Variants in TLE2 observed in about 807,000 individuals in gnomAD.
TLE2 encodes the protein TLE family member 2, transcriptional corepressor, also known as transducin-like enhancer protein 2.
A neutral mutation model predicts 97.2 loss-of-function variants in TLE2; 74 were observed. That is an observed-to-expected ratio of 0.76 (90% CI 0.63 to 0.92). The LOEUF is 0.92. Ranked by LOEUF, TLE2 falls within the 40% of genes least tolerant of loss-of-function variation. TLE2 has a pLI of 0.00. For missense variants in TLE2, 1,038 were observed against 1,008.7 expected, an observed-to-expected ratio of 1.03 and a Z score of -0.39; for synonymous variants, 499 against 432.1, an observed-to-expected ratio of 1.15 and a Z score of -1.92.
Position 3,044,690 on chromosome 19 carries a change from G to A in TLE2, c.63+1036C>T, listed in dbSNP as rs549374764. Among the ~76,000 whole-genome samples, 83 of 152,300 alleles carry A rather than the reference G, an allele frequency of 5.4e-4. 2 individuals are homozygous for A. The highest frequency in any genetic ancestry group is 1.9e-3 in the African/African-American group (79 of 41,580). ...CTGCCTCGGCCTCCCGAAGCGCTGG[G>A]ATTACAGGCGTGAGCCACTGTGCCT... On this transcript the variant is annotated intron_variant, in intron 1 of 18. Coordinates refer to the TLE2 transcript ENST00000426948.
intron 1 of TLE2, among the ~76,000 whole-genome samples, chr19:3,044,509 T>G (rs2090127917): frequency 6.6e-6 from 1 of 152,196 alleles, no homozygotes; most frequent in Admixed American, 6.5e-5. Flanking sequence ...ACCCTCCACC[T>G]CCCGGGTTCA....
chr19:3,028,247 T>C, intron 3 of TLE2, 72 bp downstream of exon 3: 3 of 1,484,452 alleles, frequency 2.0e-6, no homozygotes, highest in Non-Finnish European at 2.8e-6. Context: ...GGCAGGGACC[T>C]ACCCCAGAGT....
At chr19:3,047,372 G>GC (rs370437434), upstream of TLE2, among the ~76,000 whole-genome samples, 3,257 of 80,016 alleles carry the variant, frequency 0.041, 95 homozygotes, top group East Asian at 0.16. Context: ...CCTGCCACCC[G>GC]CCCCCCAGCG....
At chr19:3,017,978 CAG>C (rs147508094) in intron 7 of TLE2, 119 bp from the exon 8 acceptor site, 61,744 of 830,410 alleles carry the variant, frequency 0.074, 2,909 homozygotes, top group Middle Eastern at 0.16. Context: ...CCACCCCACT[CAG>C]AGTCTCTCTA....
chr19:3,017,934 A>G, intron 7 of TLE2, 75 bp from the exon 8 acceptor site: 2 of 1,443,052 alleles, frequency 1.4e-6, no homozygotes, highest in Non-Finnish European at 1.9e-6. Flanking sequence ...GCCAGAGGGT[A>G]CAGCCCTCCA....
intron 8 of TLE2, among the ~76,000 whole-genome samples, chr19:3,017,172 C>T (rs766403247): frequency 2.0e-5 from 3 of 151,984 alleles, no homozygotes; most frequent in African/African-American, 4.8e-5. Flanking sequence ...GAGTCTCATA[C>T]TGTCGCACAG....
Position 3,019,188 on chromosome 19 carries a change from T to A in TLE2, c.550+95A>T. 6.8e-7 allele frequency: 1 copy of A among 1,479,926 alleles called. No homozygotes were observed. The highest frequency in any genetic ancestry group is 1.3e-5 in the South Asian group (1 of 78,750). 91.7% of individuals were successfully genotyped at this position (1,479,926 alleles called of 1,614,324 possible). On this transcript the variant is annotated intron_variant, in intron 7 of 19. Transcript: ENST00000262953. The surrounding 1 kb of genome is among the most constrained non-coding windows in gnomAD (Gnocchi z 5.1). Reference sequence around the variant, plus strand: ...GTTGGGATTATAGGCATGAGCCACTTCATCCCCTCACGCTGATGTTTGCTA... The same window carrying A: ...GTTGGGATTATAGGCATGAGCCACTACATCCCCTCACGCTGATGTTTGCTA...
At chr19:3,043,017 A>G (rs889294301) in intron 1 of TLE2, among the ~76,000 whole-genome samples, 2 of 152,144 alleles carry the variant, frequency 1.3e-5, no homozygotes, top group Non-Finnish European at 2.9e-5. Flanking sequence ...CAGGGGTCTC[A>G]CTGTGTGGCC....
rs765038263 is a variant in TLE2 at position 3,013,736 on chromosome 19, A to C, written c.806T>G (p.Val269Gly). ...AGAGGCCAAGGAGGCTGGACTGTCC[A>C]CCAGGTCCCGACGGGCAGGAATGCA... ...PICIPARRDL[V>G]DSPASLASSL... Residue 269 changes from valine to glycine, a missense_variant, in exon 11 of 20, where the codon GTG becomes GGG. By Grantham distance (109) the Val-to-Gly change is moderately radical (BLOSUM62 -3). Transcript: ENST00000262953. 4 of 1,562,446 alleles carry C rather than the reference A, an allele frequency of 2.6e-6. No individual in the cohort carries two copies. The South Asian group carries it at 4.8e-5, about 19-fold the overall frequency.
At chr19:3,000,507 G>T in intron 19 of TLE2, 140 bp downstream of exon 19, 2 of 682,828 alleles carry the variant, frequency 2.9e-6, no homozygotes, top group Non-Finnish European at 4.9e-6. Flanking sequence ...CTGGGCGGTA[G>T]GGAGGCTTGC....
In TLE2 at chr19:3,013,837, C is replaced by A. The variant is rs756126846; in HGVS notation, c.724-19G>T. 2.7e-6 allele frequency: 4 copies of A among 1,502,722 alleles called. No homozygotes were observed. The highest frequency in any genetic ancestry group is 3.5e-6 in the Non-Finnish European group (4 of 1,129,946). The allele number at this position is 1,502,722 out of a possible 1,614,324, so 93.1% of individuals were successfully genotyped here. ...GTTGGTCCTGGGTTTGAGGAGGTGACGTTGAGCAGAGTTGAAATGAGAGGG... is the reference window on the plus strand; with the variant it reads ...GTTGGTCCTGGGTTTGAGGAGGTGAAGTTGAGCAGAGTTGAAATGAGAGGG... On this transcript the variant is annotated intron_variant, in intron 10 of 19. Coordinates refer to ENST00000262953, the MANE Select transcript of TLE2 (RefSeq NM_003260.5).
At chr19:2,999,054 G>A (rs567913858) in intron 19 of TLE2, among the ~76,000 whole-genome samples, 40 of 152,312 alleles carry the variant, frequency 2.6e-4, no homozygotes, top group African/African-American at 8.4e-4. Flanking sequence ...GGCCGAGGCA[G>A]GTGGATCACC....
intron 1 of TLE2, among the ~76,000 whole-genome samples, chr19:3,042,525 T>G (rs2090112700): frequency 6.8e-6 from 1 of 146,554 alleles, no homozygotes; most frequent in Non-Finnish European, 1.5e-5. Flanking sequence ...AATGAAGAGA[T>G]CCAGGGAAGG....
intron 1 of TLE2, among the ~76,000 whole-genome samples, chr19:3,044,940 G>C (rs984556913): frequency 6.6e-6 from 1 of 152,198 alleles, no homozygotes; most frequent in African/African-American, 2.4e-5. Context: ...AGGGAAAGCC[G>C]GGCGCGGTGG....
chr19:3,045,724 G>A lies in TLE2; in HGVS notation c.63+2C>T, dbSNP rs762371311. 1.1e-5 allele frequency: 5 copies of A among 446,020 alleles called. No homozygotes were observed. Among genetic ancestry groups the A allele is most frequent in the African/African-American group, 2.0e-5 (1 of 49,896 alleles). 27.6% of individuals were successfully genotyped at this position (446,020 alleles called of 1,614,324 possible). A position where few individuals can be genotyped will look rare whatever the true frequency, so the allele number is the denominator to read the frequency against. On this transcript the variant is annotated splice_donor_variant, in intron 1 of 18. Coordinates refer to the TLE2 transcript ENST00000426948. LOFTEE classifies it low-confidence loss of function (GC_TO_GT_DONOR). ...CGGGCGCCTGTAATCCCAGCTACTC[G>A]CCTGTAATCCTGAAGCAGGAGAATC...
chr19:2,997,665 C>G lies in TLE2; in HGVS notation c.*183G>C. 1.7e-6 allele frequency: 1 copy of G among 582,004 alleles called. No homozygotes were observed. The highest frequency in any genetic ancestry group is 3.1e-6 in the Non-Finnish European group (1 of 322,694). 36.1% of individuals were successfully genotyped at this position (582,004 alleles called of 1,614,324 possible). On this transcript the variant is annotated 3_prime_UTR_variant, in exon 20 of 20. Transcript: ENST00000262953. ...CGGATGTGATAGATACATTTTATTT[C>G]CACCGAGGTCCCCTGCCCATCGGCC... is the stretch of plus-strand genomic sequence containing the variant.
chr19:3,013,060 C>T lies in TLE2; in HGVS notation c.873+609G>A, dbSNP rs536888136. Reference sequence around the variant, plus strand: ...CTGCCAGGAAGGGAGGCCTTGAAACCGGGAGGGGAGGCCTAGAAACCGACA... The same window carrying T: ...CTGCCAGGAAGGGAGGCCTTGAAACTGGGAGGGGAGGCCTAGAAACCGACA... On this transcript the variant is annotated intron_variant, in intron 11 of 19. Transcript: ENST00000262953. Among the ~76,000 whole-genome samples, 7 of 152,168 alleles carry T rather than the reference C, an allele frequency of 4.6e-5. No individual in the cohort carries two copies. The East Asian group carries it at 7.7e-4, about 17-fold the overall frequency.
intron 3 of TLE2, 114 bp downstream of exon 3, chr19:3,028,205 T>A: frequency 1.8e-6 from 2 of 1,134,982 alleles, no homozygotes; most frequent in Middle Eastern, 2.8e-4. Flanking sequence ...ACCTGCCCAA[T>A]GTACAGACGG....
intron 1 of TLE2, among the ~76,000 whole-genome samples, chr19:3,041,966 C>G (rs1366453199): frequency 2.6e-5 from 4 of 151,954 alleles, no homozygotes; most frequent in African/African-American, 9.7e-5. Flanking sequence ...AGGGCAGGGT[C>G]GCCCGCCCCC....
Sources: allele counts gnomAD v4.1 joint callset (sites outside exome capture counted in the v4.1 genomes callset), GRCh38; gene constraint gnomAD v4.1.1; non-coding constraint Gnocchi (gnomAD v3.1); transcripts MANE v1.5; gene names NCBI Gene and HGNC (gene_info 2026-07-23, HGNC 2026-07-21).